Variants in GLMN observed in about 807,000 individuals in gnomAD.
GLMN encodes the protein glomulin.
Under a neutral mutation model 87.8 loss-of-function variants are expected in GLMN, and 75 were observed. That is an observed-to-expected ratio of 0.85 (90% CI 0.71 to 1.04). GLMN has a LOEUF of 1.04. Among genes scored for constraint, GLMN ranks in the 50% least tolerant of loss-of-function variants. GLMN has a pLI of 0.00. For synonymous variants in GLMN, 206 were observed against 221.6 expected (o/e 0.93, Z 0.63); for missense variants, 588 against 658.8 (o/e 0.89, Z 1.18).
intron 7 of GLMN, among the ~76,000 whole-genome samples, chr1:92,283,112 C>T (rs542209931): frequency 6.6e-6 from 1 of 152,310 alleles, no homozygotes; most frequent in East Asian, 1.9e-4. Flanking sequence ...AGGGAATCCT[C>T]CCTAACTCAT....
the GLMN span, chr1:92,333,401 C>T: frequency 5.0e-6 from 8 of 1,612,756 alleles, no homozygotes; most frequent in Non-Finnish European, 5.9e-6. Flanking sequence ...CATGATTCCA[C>T]CTTTCCACTG....
At chr1:92,307,010 T>A in the GLMN span, among the ~76,000 whole-genome samples, 2 of 152,192 alleles carry the variant, frequency 1.3e-5, no homozygotes, top group East Asian at 1.9e-4. Context: ...GGTGATGCAG[T>A]TGGGAAGGGG....
chr1:92,339,109 T>A, the GLMN span, among the ~76,000 whole-genome samples: 6 of 152,176 alleles, frequency 3.9e-5, no homozygotes, highest in Non-Finnish European at 5.9e-5. Context: ...TTGTCTATAT[T>A]TTTTAGAACA....
At chr1:92,298,629 A>T (rs1477160290) in intron 1 of GLMN, among the ~76,000 whole-genome samples, 1 of 152,182 alleles carries the variant, frequency 6.6e-6, no homozygotes, top group Admixed American at 6.5e-5. Flanking sequence ...GAGACAAGAC[A>T]ACGGCGGCCT....
At chr1:92,322,534 A>G in the GLMN span, among the ~76,000 whole-genome samples, 1 of 151,650 alleles carries the variant, frequency 6.6e-6, no homozygotes, top group African/African-American at 2.4e-5. Flanking sequence ...ACAGAGCAAG[A>G]CTCCATCTCA....
At chr1:92,362,862 T>C in the GLMN span, among the ~76,000 whole-genome samples, 31 of 152,176 alleles carry the variant, frequency 2.0e-4, no homozygotes, top group Non-Finnish European at 3.5e-4. Context: ...AGGTTATAAC[T>C]AGTATTATTC....
chr1:92,280,005 C>A (rs1258766658), intron 7 of GLMN, among the ~76,000 whole-genome samples: 6 of 152,262 alleles, frequency 3.9e-5, no homozygotes, highest in African/African-American at 1.2e-4. Flanking sequence ...AGGCCTACTG[C>A]CTCTATAGAT....
upstream of GLMN, chr1:92,299,285 CCCA>C: frequency 2.2e-6 from 1 of 461,470 alleles, no homozygotes; most frequent in Non-Finnish European, 3.9e-6. Flanking sequence ...CCGAAAGCTT[CCCA>C]CCGCCGTCCG....
chr1:92,367,539 A>C, the GLMN span, among the ~76,000 whole-genome samples: 1 of 152,226 alleles, frequency 6.6e-6, no homozygotes, highest in Non-Finnish European at 1.5e-5. Context: ...GTGTTTAAAA[A>C]AATTTTCTTT....
At chr1:92,280,679 G>C (rs1297133937) in intron 7 of GLMN, among the ~76,000 whole-genome samples, 1 of 151,832 alleles carries the variant, frequency 6.6e-6, no homozygotes, top group Admixed American at 6.6e-5. Flanking sequence ...CGAGCTAAAG[G>C]AGCATGTTCT....
intron 7 of GLMN, among the ~76,000 whole-genome samples, chr1:92,284,156 T>C (rs937840820): frequency 6.6e-6 from 1 of 152,220 alleles, no homozygotes; most frequent in African/African-American, 2.4e-5. Context: ...AGAGCCCGTA[T>C]AGCCAAGACA....
rs768465932 is a variant in GLMN, at chr1:92,297,975, T to C, written c.25A>G (p.Ile9Val). The part of the protein sequence containing the change: MAVEELQS[I>V]IKRCQILEEQ... ...TTAATACTTACACATCTCTTTATTA[T>C]AGACTGAAGTTCCTCTACAGCCATT... is the stretch of plus-strand genomic sequence containing the variant. The change falls in exon 2 of 19, where the codon ATA (isoleucine) becomes GTA (valine). Residue 9 changes from isoleucine (I) to valine (V), a missense_variant. Transcript: ENST00000370360. 45 of 1,480,342 alleles carry C rather than the reference T, an allele frequency of 3.0e-5. No individual in the cohort carries two copies. Among genetic ancestry groups the C allele is most frequent in the Non-Finnish European group, 3.7e-5 (39 of 1,058,722 alleles). The allele number at this position is 1,480,342 out of a possible 1,614,324, so 91.7% of individuals were successfully genotyped here. A position where few individuals can be genotyped will look rare whatever the true frequency, so the allele number is the denominator to read the frequency against.
the GLMN span, among the ~76,000 whole-genome samples, chr1:92,354,915 A>ATTG: frequency 2.0e-5 from 3 of 149,832 alleles, no homozygotes; most frequent in East Asian, 5.8e-4. Context: ...TATTATTATT[A>ATTG]TTATTGAGAC....
At chr1:92,289,250 T>G in intron 5 of GLMN, 99 bp from the exon 6 acceptor site, 1 of 778,752 alleles carries the variant, frequency 1.3e-6, no homozygotes, top group Admixed American at 1.7e-5. Flanking sequence ...CTCCCACATT[T>G]TAACAACTCT....
chr1:92,270,196 G>A (rs1656098077), intron 8 of GLMN, among the ~76,000 whole-genome samples: 1 of 152,204 alleles, frequency 6.6e-6, no homozygotes. Context: ...AGAACTATGA[G>A]ACAAACTATT....
intron 7 of GLMN, among the ~76,000 whole-genome samples, chr1:92,284,729 A>G (rs1648521882): frequency 6.6e-6 from 1 of 152,196 alleles, no homozygotes; most frequent in East Asian, 1.9e-4. Flanking sequence ...CCATCTCACA[A>G]AGGGCTAATA....
At position 92,291,454 on chromosome 1, in the gene GLMN, T is replaced by C. The variant is rs1220034571; in HGVS notation, c.249A>G (p.Arg83=). 1.3e-6 allele frequency: 2 copies of C among 1,595,612 alleles called. No individual in the cohort carries two copies. Among genetic ancestry groups the C allele is most frequent in the African/African-American group, 2.7e-5 (2 of 74,572 alleles). ...AATCAAAGATCAAAAAATAAACTTTTCTTTTACTATCCTCTTTATCTTTAC... is the reference window on the plus strand; with the variant it reads ...AATCAAAGATCAAAAAATAAACTTTCCTTTTACTATCCTCTTTATCTTTAC... ...LLCKDKEDSK[R]KVYFLIFDLL... is the part of the protein sequence containing the mutation. The change falls in exon 4 of 19, where the codon AGA becomes AGG. Residue 83 remains arginine, a synonymous_variant. Coordinates refer to ENST00000370360, the MANE Select transcript of GLMN (RefSeq NM_053274.3).
chr1:92,366,116 A>G, the GLMN span, among the ~76,000 whole-genome samples: 2 of 152,188 alleles, frequency 1.3e-5, no homozygotes, highest in South Asian at 2.1e-4. Context: ...TCCAATTTAG[A>G]AAGTTTCCCA....
At chr1:92,364,181 C>T in the GLMN span, among the ~76,000 whole-genome samples, 37 of 152,112 alleles carry the variant, frequency 2.4e-4, no homozygotes, top group African/African-American at 8.9e-4. Context: ...GTAGTGGTAT[C>T]GACCTTCAGG....
Sources: gnomAD v4.1 joint callset for allele counts (sites outside exome capture counted in the v4.1 genomes callset) on GRCh38, gnomAD v4.1.1 for gene constraint, MANE v1.5 for transcripts, NCBI Gene and HGNC (gene_info 2026-07-23, HGNC 2026-07-21) for gene names.